The following ANO3 variants were observed in gnomAD, a reference collection of about 807,000 sequenced individuals.
The protein encoded by ANO3 is anoctamin 3.
Under a neutral mutation model 144.8 loss-of-function variants are expected in ANO3, and 99 were observed. The observed-to-expected ratio is 0.68, with a 90% CI of 0.58 to 0.81. The LOEUF is 0.81. ANO3 is among the 30% of genes least tolerant of loss of function. ANO3 has a pLI of 0.00. For missense variants in ANO3, 905 were observed against 1,202.2 expected, an observed-to-expected ratio of 0.75 and a Z score of 3.66; for synonymous variants, 414 against 392.6, an observed-to-expected ratio of 1.05 and a Z score of -0.64.
rs555312158 is a variant in ANO3, at chr11:26,465,237, C to A, written c.432+2089C>A. 4.7e-5 allele frequency among the ~76,000 whole-genome samples: 7 copies of A among 150,262 alleles called. No individual in the cohort carries two copies. In the South Asian group the frequency reaches 1.5e-3, roughly 31 times the overall value. ...ACAATTTTTATTCATTTGTGTCCTA[C>A]AAATAGAAACTTCCTATGGTTCAAA... is the stretch of plus-strand genomic sequence containing the variant. On this transcript the variant is annotated intron_variant, in intron 4 of 26. Coordinates refer to ENST00000256737, the MANE Select transcript of ANO3 (RefSeq NM_031418.4).
chr11:26,342,853 A>C (rs1329224584), intron 1 of ANO3, among the ~76,000 whole-genome samples: 1 of 151,848 alleles, frequency 6.6e-6, no homozygotes, highest in Non-Finnish European at 1.5e-5. Context: ...TTCTAGTTTT[A>C]TTGAGGTATA....
intron 17 of ANO3, among the ~76,000 whole-genome samples, chr11:26,602,750 C>CA (rs34039557): frequency 0.7 from 102,319 of 147,146 alleles, 36,517 homozygotes; most frequent in East Asian, 0.83. Flanking sequence ...GACCAAGTCT[C>CA]AAAAAAAAAA....
intron 1 of ANO3, among the ~76,000 whole-genome samples, chr11:26,433,851 T>A (rs1300064285): frequency 6.6e-6 from 1 of 152,152 alleles, no homozygotes; most frequent in Non-Finnish European, 1.5e-5. Context: ...GATATTGGCC[T>A]GAAGTTATCC....
In ANO3 at chr11:26,542,139, T is replaced by G; in HGVS notation, c.1154+71T>G. 4 of 1,523,652 alleles carry G rather than the reference T, an allele frequency of 2.6e-6. No homozygotes were observed. The South Asian group carries it at 3.9e-5, about 15-fold the overall frequency. 94.4% of individuals were successfully genotyped at this position (1,523,652 alleles called of 1,614,324 possible). ...TGTCATTGTCTTAGACTTGGAATTA[T>G]TTATTGTGCTCACCAGTGAGGATGC... On this transcript the variant is annotated intron_variant, in intron 11 of 26. Coordinates refer to ENST00000256737, the MANE Select transcript of ANO3 (RefSeq NM_031418.4).
intron 1 of ANO3, among the ~76,000 whole-genome samples, chr11:26,416,631 T>A (rs1157754779): frequency 6.6e-6 from 1 of 151,996 alleles, no homozygotes; most frequent in Non-Finnish European, 1.5e-5. Flanking sequence ...TTCACCATGT[T>A]GGCCAGGATG....
At chr11:26,417,872 C>G (rs185270855) in intron 1 of ANO3, among the ~76,000 whole-genome samples, 1 of 151,858 alleles carries the variant, frequency 6.6e-6, no homozygotes, top group Non-Finnish European at 1.5e-5. Context: ...ATAGGGACAA[C>G]ATTATATTCT....
Position 26,508,206 on chromosome 11 carries a change from A to T in ANO3, c.535A>T (p.Lys179Ter). ...VYRKTNIQYD[K>*]RNTFEKNLRA... ...TAGAAAGACAAATATACAATATGATAAAAGAAACACATTTGAAAAGAACCT... is the reference window on the plus strand; with the variant it reads ...TAGAAAGACAAATATACAATATGATTAAAGAAACACATTTGAAAAGAACCT... The change falls in exon 5 of 27, where the codon AAA becomes TAA. Residue 179 changes from lysine to a stop codon, truncating the protein, a stop_gained. Transcript: ENST00000256737. LOFTEE classifies it high-confidence loss of function. 6.2e-7 allele frequency: 1 copy of T among 1,605,960 alleles called. No individual in the cohort carries two copies. The highest frequency in any genetic ancestry group is 2.2e-5 in the East Asian group (1 of 44,502).
At chr11:26,655,412 C>T (rs1853655034) in intron 24 of ANO3, among the ~76,000 whole-genome samples, 1 of 152,178 alleles carries the variant, frequency 6.6e-6, no homozygotes, top group South Asian at 2.1e-4. Flanking sequence ...CTCTCTGGAA[C>T]ATTCATGTAG....
intron 14 of ANO3, among the ~76,000 whole-genome samples, chr11:26,586,777 C>G (rs564787450): frequency 4.2e-5 from 6 of 143,772 alleles, no homozygotes; most frequent in Non-Finnish European, 9.5e-5. Context: ...GCTGGGATTA[C>G]AGGATGAGCC....
intron 1 of ANO3, among the ~76,000 whole-genome samples, chr11:26,254,902 AT>A (rs1853020228): frequency 6.6e-6 from 1 of 152,156 alleles, no homozygotes. Context: ...CAAAACAACC[AT>A]TTGAGATTGT....
chr11:26,250,249 A>T (rs1042833118), intron 1 of ANO3, among the ~76,000 whole-genome samples: 4 of 152,142 alleles, frequency 2.6e-5, no homozygotes, highest in African/African-American at 9.7e-5. Flanking sequence ...CTTCTGTGGC[A>T]GCTATGGGTA....
intron 1 of ANO3, among the ~76,000 whole-genome samples, chr11:26,417,750 T>C (rs1193111302): frequency 6.6e-6 from 1 of 151,994 alleles, no homozygotes; most frequent in East Asian, 1.9e-4. Flanking sequence ...CCAAACAATA[T>C]GAAATTAAAA....
At chr11:26,476,818 C>G (rs1859990919) in intron 4 of ANO3, among the ~76,000 whole-genome samples, 1 of 151,742 alleles carries the variant, frequency 6.6e-6, no homozygotes, top group South Asian at 2.1e-4. Context: ...AAAAATCACA[C>G]TGGAATTGAT....
chr11:26,339,082 A>G (rs559111573), intron 1 of ANO3, among the ~76,000 whole-genome samples: 7 of 152,096 alleles, frequency 4.6e-5, no homozygotes, highest in African/African-American at 7.2e-5. Context: ...ACTTACATGC[A>G]TTGCAAGTTA....
intron 17 of ANO3, among the ~76,000 whole-genome samples, chr11:26,614,528 C>T (rs1391914518): frequency 6.6e-6 from 1 of 152,098 alleles, no homozygotes; most frequent in Non-Finnish European, 1.5e-5. Context: ...AGTATAGAGC[C>T]ATAGCAGCCT....
At chr11:26,604,030 G>A (rs1851870274) in intron 17 of ANO3, among the ~76,000 whole-genome samples, 1 of 151,866 alleles carries the variant, frequency 6.6e-6, no homozygotes, top group Non-Finnish European at 1.5e-5. Flanking sequence ...CTACTGTGCA[G>A]TAGAACACTA....
At chr11:26,509,312 C>CT (rs555426180) in intron 5 of ANO3, among the ~76,000 whole-genome samples, 3,157 of 151,768 alleles carry the variant, frequency 0.021, 53 homozygotes, top group Non-Finnish European at 0.034. Context: ...ACCTAAGTTA[C>CT]TTTTTTTCTT....
chr11:26,470,872 C>T (rs990014078), intron 4 of ANO3, among the ~76,000 whole-genome samples: 1 of 151,814 alleles, frequency 6.6e-6, no homozygotes, highest in African/African-American at 2.4e-5. Context: ...ATGACTGAGC[C>T]AGGATTTAAA....
intron 7 of ANO3, 111 bp downstream of exon 7, chr11:26,525,790 ATTGAT>A (rs1849147465): frequency 1.3e-6 from 1 of 764,098 alleles, no homozygotes; most frequent in African/African-American, 1.8e-5. Flanking sequence ...GAAAAATTCT[ATTGAT>A]TTGTCGAAGA....
Sources: allele counts gnomAD v4.1 joint callset (sites outside exome capture counted in the v4.1 genomes callset), GRCh38; gene constraint gnomAD v4.1.1; transcripts MANE v1.5; gene names NCBI Gene and HGNC (gene_info 2026-07-23, HGNC 2026-07-21).